The following TMEM108 variants were observed in gnomAD, a reference collection of about 807,000 sequenced individuals.
TMEM108 encodes transmembrane protein 108.
Under a neutral mutation model 35.1 loss-of-function variants are expected in TMEM108, and 12 were observed. The observed-to-expected ratio is 0.34, with a 90% confidence interval of 0.22 to 0.55. TMEM108 has a LOEUF of 0.55. TMEM108 is among the 20% of genes least tolerant of loss of function. The probability of loss-of-function intolerance (pLI) is 0.89; values close to 1 mark genes in which losing one functional copy is unlikely to be tolerated. For missense variants in TMEM108, 680 were observed against 753.3 expected, an observed-to-expected ratio of 0.90 and a Z score of 1.14; for synonymous variants, 287 against 308.6, an observed-to-expected ratio of 0.93 and a Z score of 0.73.
chr3:133,363,606 A>G (rs1054155574), intron 3 of TMEM108, among the ~76,000 whole-genome samples: 10 of 151,884 alleles, frequency 6.6e-5, no homozygotes, highest in Admixed American at 3.3e-4. Flanking sequence ...GGGTTTTGCT[A>G]TGTTGCCCAA....
chr3:133,200,138 T>A (rs982995181), intron 2 of TMEM108, among the ~76,000 whole-genome samples: 2 of 151,850 alleles, frequency 1.3e-5, no homozygotes, highest in African/African-American at 4.8e-5. Context: ...AGGGTAGGAG[T>A]GACCCGATTT....
chr3:133,282,421 T>C (rs1298451446), intron 3 of TMEM108, among the ~76,000 whole-genome samples: 1 of 152,226 alleles, frequency 6.6e-6, no homozygotes, highest in East Asian at 1.9e-4. Flanking sequence ...AGATACAGGA[T>C]CACAGTCTCA....
intron 2 of TMEM108, among the ~76,000 whole-genome samples, chr3:133,061,269 TG>T (rs2107682188): frequency 6.7e-6 from 1 of 148,882 alleles, no homozygotes; most frequent in South Asian, 2.1e-4. Context: ...TGGAGTGCAG[TG>T]GCACGATCTC....
chr3:133,374,658 G>A (rs2107825636), intron 3 of TMEM108, among the ~76,000 whole-genome samples: 1 of 151,906 alleles, frequency 6.6e-6, no homozygotes, highest in Middle Eastern at 3.4e-3. Flanking sequence ...TTGGGGAAGA[G>A]GAGAGAATTA....
At chr3:133,173,056 C>T (rs570337627) in intron 2 of TMEM108, among the ~76,000 whole-genome samples, 5 of 152,252 alleles carry the variant, frequency 3.3e-5, no homozygotes, top group East Asian at 3.9e-4. Context: ...TGCCCAGTCT[C>T]GGGTATGTCT....
Position 133,292,754 on chromosome 3 carries a change from C to T in TMEM108, c.40+63403C>T, listed in dbSNP as rs550217016. ...ACACAGATGCCTTAGCCACAACTCCCCTGCTGTAAAATTCTGAACTTAGCA... is the reference window on the plus strand; with the variant it reads ...ACACAGATGCCTTAGCCACAACTCCTCTGCTGTAAAATTCTGAACTTAGCA... On this transcript the variant is annotated intron_variant, in intron 3 of 5. Coordinates refer to ENST00000321871, the MANE Select transcript of TMEM108 (RefSeq NM_023943.4). Among the ~76,000 whole-genome samples, 17 of 152,282 alleles carry T rather than the reference C, an allele frequency of 1.1e-4. No homozygotes were observed. The East Asian group carries it at 3.3e-3, about 29-fold the overall frequency.
At chr3:133,331,404 A>G (rs1295878960) in intron 3 of TMEM108, among the ~76,000 whole-genome samples, 2 of 152,194 alleles carry the variant, frequency 1.3e-5, no homozygotes, top group Non-Finnish European at 2.9e-5. Flanking sequence ...TGATTATTTT[A>G]TGGCCCAAGC....
intron 3 of TMEM108, among the ~76,000 whole-genome samples, chr3:133,240,710 A>G (rs1946301111): frequency 6.6e-6 from 1 of 152,220 alleles, no homozygotes. Context: ...AGAGTGCTTC[A>G]GCTCCCAGAG....
intron 2 of TMEM108, among the ~76,000 whole-genome samples, chr3:133,181,027 A>C (rs973266988): frequency 1.0e-4 from 15 of 144,924 alleles, no homozygotes; most frequent in Non-Finnish European, 1.5e-4. Context: ...AAAAAAAAAA[A>C]AAAAAAAAAA....
At chr3:133,169,868 G>A (rs1945103372) in intron 2 of TMEM108, among the ~76,000 whole-genome samples, 1 of 152,106 alleles carries the variant, frequency 6.6e-6, no homozygotes, top group Non-Finnish European at 1.5e-5. Context: ...ACAGTGATGC[G>A]AACAAAAGAT....
In TMEM108 at chr3:133,394,153, C is replaced by T. The variant is rs78905898; in HGVS notation, c.1606-1711C>T. Among the ~76,000 whole-genome samples, 1,325 of 152,364 alleles carry T rather than the reference C, an allele frequency of 8.7e-3. 22 individuals are homozygous for T. Among genetic ancestry groups the T allele is most frequent in the African/African-American group, 0.03 (1,255 of 41,578 alleles). ...ATGAAGCCAGCCAAGCACACACACA[C>T]TGCTGACCATCTCTAGAGCAATCAT... On this transcript the variant is annotated intron_variant, in intron 5 of 5. Transcript: ENST00000321871.
intron 3 of TMEM108, among the ~76,000 whole-genome samples, chr3:133,238,611 G>C (rs1429219638): frequency 3.9e-5 from 6 of 152,120 alleles, no homozygotes; most frequent in African/African-American, 1.4e-4. Context: ...TCCCACCCTA[G>C]GTGGGCCTCA....
chr3:133,370,598 A>C (rs1349148094), intron 3 of TMEM108, among the ~76,000 whole-genome samples: 1 of 152,168 alleles, frequency 6.6e-6, no homozygotes, highest in Non-Finnish European at 1.5e-5. Flanking sequence ...GTTCTTTCCC[A>C]TGATGTCAGA....
intron 3 of TMEM108, among the ~76,000 whole-genome samples, chr3:133,356,697 C>T (rs183434548): frequency 1.4e-3 from 207 of 152,098 alleles, no homozygotes; most frequent in South Asian, 0.012. Flanking sequence ...ATCTACAAAC[C>T]ATGCAAAAAC....
At chr3:133,061,337 A>G (rs1422118707) in intron 2 of TMEM108, among the ~76,000 whole-genome samples, 2 of 151,602 alleles carry the variant, frequency 1.3e-5, no homozygotes, top group African/African-American at 4.8e-5. Context: ...CAGCCTCCCA[A>G]GCAGCTGGGA....
chr3:133,105,230 A>T (rs986515338), intron 2 of TMEM108, among the ~76,000 whole-genome samples: 1 of 152,110 alleles, frequency 6.6e-6, no homozygotes, highest in African/African-American at 2.4e-5. Flanking sequence ...GTTTCTTGCC[A>T]TTGTGGGACT....
chr3:133,242,770 G>GT (rs1165318102), intron 3 of TMEM108, among the ~76,000 whole-genome samples: 10 of 152,180 alleles, frequency 6.6e-5, no homozygotes, highest in Non-Finnish European at 1.5e-4. Context: ...AACACTGAGT[G>GT]TAAGTGCTTT....
intron 2 of TMEM108, among the ~76,000 whole-genome samples, chr3:133,124,114 T>C (rs1273580319): frequency 2.0e-5 from 3 of 152,220 alleles, no homozygotes; most frequent in Non-Finnish European, 4.4e-5. Flanking sequence ...TATTTCATCT[T>C]AGGGTACCCA....
At chr3:133,069,703 A>G (rs1027996229) in intron 2 of TMEM108, among the ~76,000 whole-genome samples, 1 of 151,904 alleles carries the variant, frequency 6.6e-6, no homozygotes, top group African/African-American at 2.4e-5. Flanking sequence ...AGCTTCCTTC[A>G]TTTCTTAAGA....
Sources: gnomAD v4.1 joint callset for allele counts (sites outside exome capture counted in the v4.1 genomes callset) on GRCh38, gnomAD v4.1.1 for gene constraint, MANE v1.5 for transcripts, NCBI Gene and HGNC (gene_info 2026-07-23, HGNC 2026-07-21) for gene names.